Variants in TRIM69 observed in about 807,000 individuals in gnomAD.
TRIM69 encodes the protein tripartite motif containing 69.
TRIM69 carries 29 observed loss-of-function variants against 37.7 expected under a neutral mutation model. That is an observed-to-expected ratio of 0.77 (90% CI 0.57 to 1.05). The LOEUF is 1.05. Among genes scored for constraint, TRIM69 ranks in the 50% least tolerant of loss-of-function variants. TRIM69 has a pLI of 0.00. For missense variants in TRIM69, 596 were observed against 579.9 expected (o/e 1.03, Z -0.28); for synonymous variants, 209 against 212.4 (o/e 0.98, Z 0.14).
intron 1 of TRIM69, among the ~76,000 whole-genome samples, chr15:44,739,446 G>T (rs1011044430): frequency 1.3e-5 from 2 of 152,234 alleles, no homozygotes; most frequent in South Asian, 2.1e-4. Flanking sequence ...CTCGGGAAGC[G>T]CAAGGGGTCA....
In TRIM69 at chr15:44,755,122, T is replaced by C; in HGVS notation, c.229T>C (p.Phe77Leu). 6.2e-7 allele frequency: 1 copy of C among 1,614,222 alleles called. No homozygotes were observed. The highest frequency in any genetic ancestry group is 8.5e-7 in the Non-Finnish European group (1 of 1,180,032). ...TTGGAGGCTGCAAGCAAAGGAAACA[T>C]TCTGTCCTGAGTGTAAGATGCTATG... ...DFWRLQAKET[F>L]CPECKMLCQY... The change falls in exon 2 of 7, where the codon TTC (phenylalanine) becomes CTC (leucine). Residue 77 changes from phenylalanine (F) to leucine (L), a missense_variant. By Grantham distance (22) the Phe-to-Leu change is conservative. Coordinates refer to ENST00000329464, the MANE Select transcript of TRIM69 (RefSeq NM_182985.5).
chr15:44,764,691 G>C (rs974502741), intron 6 of TRIM69, among the ~76,000 whole-genome samples: 5 of 152,164 alleles, frequency 3.3e-5, no homozygotes, highest in African/African-American at 7.2e-5. Context: ...TTGACCTGTT[G>C]GTTGTAGTTT....
chr15:44,761,265 T>C (rs1170718182), intron 6 of TRIM69, among the ~76,000 whole-genome samples: 3 of 152,184 alleles, frequency 2.0e-5, no homozygotes, highest in Non-Finnish European at 2.9e-5. Flanking sequence ...TCAATAATCA[T>C]GATTATTTAT....
At chr15:44,746,401 CCAGA>C (rs1275911469) in intron 1 of TRIM69, among the ~76,000 whole-genome samples, 4 of 152,106 alleles carry the variant, frequency 2.6e-5, no homozygotes, top group South Asian at 2.1e-4. Context: ...TAACTTGAAC[CCAGA>C]CAAAGACATA....
rs1434925295 is a variant in TRIM69 at position 44,755,257 on chromosome 15, C to T, written c.364C>T (p.Leu122=). The change falls in exon 2 of 7, where the codon CTG becomes TTG. Residue 122 remains leucine, a synonymous_variant. Coordinates refer to ENST00000329464, the MANE Select transcript of TRIM69 (RefSeq NM_182985.5). The part of the protein sequence containing the change: ...HPQCPEHGEN[L]KLFSKPDGKL... The stretch of plus-strand genomic sequence containing the variant: ...ACAGTGCCCAGAGCATGGAGAGAAC[C>T]TGAAACTGTTCAGTAAACCAGATGG... 1 of 1,614,058 alleles carries T rather than the reference C, an allele frequency of 6.2e-7. No individual in the cohort carries two copies. The highest frequency in any genetic ancestry group is 1.7e-5 in the Admixed American group (1 of 60,008).
chr15:44,746,412 C>G (rs1456914484), intron 1 of TRIM69, among the ~76,000 whole-genome samples: 1 of 152,044 alleles, frequency 6.6e-6, no homozygotes, highest in Non-Finnish European at 1.5e-5. Flanking sequence ...CAGACAAAGA[C>G]ATAAAAAAAG....
chr15:44,763,136 G>T (rs2141148788), intron 6 of TRIM69, among the ~76,000 whole-genome samples: 1 of 151,954 alleles, frequency 6.6e-6, no homozygotes, highest in South Asian at 2.1e-4. Flanking sequence ...TCTGTTTTAG[G>T]TTTCCATCTA....
At chr15:44,747,731 T>C (rs570212148) in intron 1 of TRIM69, among the ~76,000 whole-genome samples, 1 of 152,294 alleles carries the variant, frequency 6.6e-6, no homozygotes, top group African/African-American at 2.4e-5. Context: ...TGAGAAACTA[T>C]GGAGCAAAGG....
At chr15:44,751,821 C>A (rs1308419397) in intron 1 of TRIM69, among the ~76,000 whole-genome samples, 1 of 151,958 alleles carries the variant, frequency 6.6e-6, no homozygotes, top group Non-Finnish European at 1.5e-5. Flanking sequence ...TCTTGACTCA[C>A]TGCAACCTCC....
chr15:44,746,770 ACACACAC>A (rs1356002660), intron 1 of TRIM69, among the ~76,000 whole-genome samples: 2 of 152,060 alleles, frequency 1.3e-5, no homozygotes, highest in Admixed American at 6.6e-5. Flanking sequence ...ACACACACAC[ACACACAC>A]ATCTTTCTTT....
At position 44,767,763 on chromosome 15, in the gene TRIM69, T is replaced by A; in HGVS notation, c.1494T>A (p.His498Gln). ...ATAAAGAACCATTGCACATCTTACA[T>A]CCACAGTAATGAGTCATAATATTAT... ...GENKEPLHIL[H>Q]PQ The change falls in exon 7 of 7, where the codon CAT becomes CAA. Residue 498 changes from histidine to glutamine, a missense_variant. By Grantham distance (24) the His-to-Gln change is conservative (BLOSUM62 0). Transcript: ENST00000329464. The A allele has an allele frequency of 6.2e-7, 1 of 1,610,590 alleles. No individual in the cohort carries two copies.
chr15:44,751,046 C>T (rs1443355992), intron 1 of TRIM69, among the ~76,000 whole-genome samples: 5 of 149,812 alleles, frequency 3.3e-5, no homozygotes, highest in Non-Finnish European at 5.9e-5. Context: ...GCCTGGACCT[C>T]CCAGGCTCAC....
chr15:44,747,265 G>C (rs3110662), intron 1 of TRIM69, among the ~76,000 whole-genome samples: 115,624 of 151,940 alleles, frequency 0.76, 45,071 homozygotes, highest in Middle Eastern at 0.84. Flanking sequence ...GAATGGAGGA[G>C]AGAGACTCTG....
intron 1 of TRIM69, among the ~76,000 whole-genome samples, chr15:44,751,916 T>A (rs2087542079): frequency 6.6e-6 from 1 of 151,052 alleles, no homozygotes. Context: ...CAATTTTTTT[T>A]TTTTCTTTTT....
intron 1 of TRIM69, among the ~76,000 whole-genome samples, chr15:44,743,452 A>G (rs939343000): frequency 6.6e-6 from 1 of 152,268 alleles, no homozygotes; most frequent in African/African-American, 2.4e-5. Context: ...ACAAAAGCCA[A>G]AATTGACAAA....
chr15:44,753,047 C>T (rs192588870), intron 1 of TRIM69: 8 of 152,188 alleles, frequency 5.3e-5, no homozygotes, highest in African/African-American at 1.9e-4. Context: ...GAGTTAGAAA[C>T]CAAAAACTGC....
chr15:44,737,613 A>G (rs1343731415), intron 1 of TRIM69, among the ~76,000 whole-genome samples: 1 of 152,212 alleles, frequency 6.6e-6, no homozygotes, highest in Non-Finnish European at 1.5e-5. Context: ...TAAATGGCTT[A>G]AAATTTCTTT....
intron 6 of TRIM69, among the ~76,000 whole-genome samples, chr15:44,766,549 T>G (rs527320294): frequency 1.1e-4 from 16 of 151,926 alleles, no homozygotes; most frequent in African/African-American, 3.9e-4. Flanking sequence ...TATATACAAC[T>G]GAATACTTAC....
At chr15:44,738,638 A>G (rs532632038) in intron 1 of TRIM69, among the ~76,000 whole-genome samples, 17 of 152,346 alleles carry the variant, frequency 1.1e-4, no homozygotes, top group East Asian at 3.9e-4. Flanking sequence ...AATAAATTCA[A>G]TTCCACAAAA....
Sources: allele counts gnomAD v4.1 joint callset (sites outside exome capture counted in the v4.1 genomes callset), GRCh38; gene constraint gnomAD v4.1.1; transcripts MANE v1.5; gene names NCBI Gene and HGNC (gene_info 2026-07-23, HGNC 2026-07-21).